Variants in OR5K3 observed in about 807,000 individuals in gnomAD.
OR5K3 encodes the protein olfactory receptor family 5 subfamily K member 3.
For missense variants in OR5K3, 498 were observed against 383.2 expected, an observed-to-expected ratio of 1.30 and a Z score of -2.50; for synonymous variants, 178 against 132.6, an observed-to-expected ratio of 1.34 and a Z score of -2.35.
In OR5K3 at chr3:98,391,080, ACACTCTG is replaced by A; in HGVS notation, c.418_424del (p.Leu140PhefsTer3). On this transcript the variant is annotated frameshift_variant, in exon 1 of 1. Coordinates refer to ENST00000383695, the MANE Select transcript of OR5K3 (RefSeq NM_001005516.1). LOFTEE classifies it low-confidence loss of function (END_TRUNC). ...GCAGTACCACACCATGATGTCCAAG[ACACTCTG>A]CATTCAGATGACTGCAGGAGCCTAC... 1 of 1,614,226 alleles carries A rather than the reference ACACTCTG, an allele frequency of 6.2e-7. No individual in the cohort carries two copies. The highest frequency in any genetic ancestry group is 1.1e-5 in the South Asian group (1 of 91,086).
In OR5K3 at chr3:98,390,704, C is replaced by T; in HGVS notation, c.39C>T (p.Ile13=). 1 of 1,613,916 alleles carries T rather than the reference C, an allele frequency of 6.2e-7. No individual in the cohort carries two copies. The highest frequency in any genetic ancestry group is 8.5e-7 in the Non-Finnish European group (1 of 1,179,862). ...ATCACTCCTTGATAGCTGAGTTCAT[C>T]CTCACAGGATTTACATATCATCCAA... is the stretch of plus-strand genomic sequence containing the variant. The part of the protein sequence containing the change: ...KENHSLIAEF[I]LTGFTYHPKL... Residue 13 remains isoleucine (I), a synonymous_variant, in exon 1 of 1, where the codon ATC becomes ATT. Coordinates refer to ENST00000383695, the MANE Select transcript of OR5K3 (RefSeq NM_001005516.1).
At position 98,390,883 on chromosome 3, in the gene OR5K3, G is replaced by A. The variant is rs930945898; in HGVS notation, c.218G>A (p.Cys73Tyr). 1.9e-6 allele frequency: 3 copies of A among 1,614,190 alleles called. No homozygotes were observed. The highest frequency in any genetic ancestry group is 2.2e-5 in the South Asian group (2 of 91,088). Reference protein sequence around the residue: ...LGNLVLMDSCCSSAITPKMLE... With the variant: ...LGNLVLMDSCYSSAITPKMLE... The stretch of plus-strand genomic sequence containing the variant: ...AACCTAGTTCTGATGGATTCCTGCT[G>A]TTCCTCTGCTATTACTCCCAAGATG... Residue 73 changes from cysteine (C) to tyrosine (Y), a missense_variant, in exon 1 of 1, where the codon TGT (cysteine) becomes TAT (tyrosine). By Grantham distance (194) the Cys-to-Tyr change is radical. Transcript: ENST00000383695.
At position 98,391,411 on chromosome 3, in the gene OR5K3, T is replaced by C. The variant is rs1707469071; in HGVS notation, c.746T>C (p.Phe249Ser). Residue 249 changes from phenylalanine to serine, a missense_variant, in exon 1 of 1, where the codon TTC becomes TCC. Coordinates refer to ENST00000383695, the MANE Select transcript of OR5K3 (RefSeq NM_001005516.1). ...TCTCACTTTCTCTCTGTGTCAATAT[T>C]CTGTGATTCCCTTCTCTTCATGTAT... ...CASHFLSVSI[F>S]CDSLLFMYAR... is the part of the protein sequence containing the mutation. The C allele has an allele frequency of 6.2e-7, 1 of 1,606,276 alleles. No homozygotes were observed. The highest frequency in any genetic ancestry group is 1.3e-5 in the African/African-American group (1 of 74,470).
Position 98,391,436 on chromosome 3 carries a change from T to A in OR5K3, c.771T>A (p.Tyr257Ter), listed in dbSNP as rs1265325535. 6.2e-7 allele frequency: 1 copy of A among 1,604,070 alleles called. No individual in the cohort carries two copies. The highest frequency in any genetic ancestry group is 1.1e-5 in the South Asian group (1 of 88,352). The change falls in exon 1 of 1, where the codon TAT (tyrosine) becomes TAA (stop). Residue 257 changes from tyrosine to a stop codon, truncating the protein, a stop_gained. Coordinates refer to ENST00000383695, the MANE Select transcript of OR5K3 (RefSeq NM_001005516.1). LOFTEE classifies it low-confidence loss of function (END_TRUNC). ...TCTGTGATTCCCTTCTCTTCATGTA[T>A]GCTCGACCAGGTGCAGTTAATGAAG... is the stretch of plus-strand genomic sequence containing the variant. ...SIFCDSLLFM[Y>*]ARPGAVNEGD... is the part of the protein sequence containing the mutation.
At position 98,390,804 on chromosome 3, in the gene OR5K3, G is replaced by T. The variant is rs1032345164; in HGVS notation, c.139G>T (p.Ala47Ser). The T allele has an allele frequency of 6.2e-7, 1 of 1,614,104 alleles. No individual in the cohort carries two copies. The highest frequency in any genetic ancestry group is 1.7e-5 in the Admixed American group (1 of 60,018). Reference sequence around the variant, plus strand: ...CATGGTGGGGAACATTGGTTTGGTGGCATTGATTTATATAGAGCAACGTCT... The same window carrying T: ...CATGGTGGGGAACATTGGTTTGGTGTCATTGATTTATATAGAGCAACGTCT... ...ITMVGNIGLVALIYIEQRLHT... is the reference protein window; with the variant it reads ...ITMVGNIGLVSLIYIEQRLHT... Residue 47 changes from alanine (A) to serine (S), a missense_variant, in exon 1 of 1, where the codon GCA becomes TCA. Transcript: ENST00000383695.
chr3:98,390,743 T>C lies in OR5K3; in HGVS notation c.78T>C (p.Val26=), dbSNP rs1482001146. 2 of 1,614,034 alleles carry C rather than the reference T, an allele frequency of 1.2e-6. No homozygotes were observed. The highest frequency in any genetic ancestry group is 2.7e-5 in the African/African-American group (2 of 74,912). ...GFTYHPKLKT[V]LFVVFFAIYL... is the part of the protein sequence containing the mutation. ...CATATCATCCAAAGCTGAAGACTGT[T>C]CTGTTTGTGGTGTTCTTTGCCATCT... is the stretch of plus-strand genomic sequence containing the variant. The change falls in exon 1 of 1, where the codon GTT becomes GTC. Residue 26 remains valine (V), a synonymous_variant. Transcript: ENST00000383695.
In OR5K3 at chr3:98,391,432, T is replaced by C. The variant is rs1271136117; in HGVS notation, c.767T>C (p.Met256Thr). The C allele has an allele frequency of 1.2e-6, 2 of 1,606,100 alleles. No homozygotes were observed. The highest frequency in any genetic ancestry group is 1.3e-5 in the African/African-American group (1 of 74,686). Residue 256 changes from methionine (M) to threonine (T), a missense_variant, in exon 1 of 1, where the codon ATG becomes ACG. Physicochemically the swap from Met to Thr is moderately conservative, Grantham distance 81. Transcript: ENST00000383695. ...ATATTCTGTGATTCCCTTCTCTTCA[T>C]GTATGCTCGACCAGGTGCAGTTAAT... ...VSIFCDSLLF[M>T]YARPGAVNEG...
In OR5K3 at chr3:98,390,955, G is replaced by A; in HGVS notation, c.290G>A (p.Cys97Tyr). ...GACAAAAGGATTACCCTGTATGAAT[G>A]TATGGCACAATTTTATTTTCTCTGT... ...SEDKRITLYE[C>Y]MAQFYFLCLA... Residue 97 changes from cysteine (C) to tyrosine (Y), a missense_variant, in exon 1 of 1, where the codon TGT becomes TAT. Coordinates refer to ENST00000383695, the MANE Select transcript of OR5K3 (RefSeq NM_001005516.1). 1 of 1,614,228 alleles carries A rather than the reference G, an allele frequency of 6.2e-7. No individual in the cohort carries two copies. Among genetic ancestry groups the A allele is most frequent in the Non-Finnish European group, 8.5e-7 (1 of 1,180,048 alleles).
rs1252212872 is a variant in OR5K3, at chr3:98,390,961, C to T, written c.296C>T (p.Ala99Val). The T allele has an allele frequency of 1.2e-6, 2 of 1,614,210 alleles. No individual in the cohort carries two copies. The highest frequency in any genetic ancestry group is 2.2e-5 in the South Asian group (2 of 91,090). Reference sequence around the variant, plus strand: ...AGGATTACCCTGTATGAATGTATGGCACAATTTTATTTTCTCTGTCTTGCT... The same window carrying T: ...AGGATTACCCTGTATGAATGTATGGTACAATTTTATTTTCTCTGTCTTGCT... The part of the protein sequence containing the change: ...DKRITLYECM[A>V]QFYFLCLAET... The change falls in exon 1 of 1, where the codon GCA becomes GTA. Residue 99 changes from alanine (A) to valine (V), a missense_variant. Transcript: ENST00000383695.
In OR5K3 at chr3:98,391,268, C is replaced by G; in HGVS notation, c.603C>G (p.Ile201Met). The G allele has an allele frequency of 6.2e-7, 1 of 1,607,800 alleles. No homozygotes were observed. The highest frequency in any genetic ancestry group is 8.5e-7 in the Non-Finnish European group (1 of 1,174,914). ...NPYINELVLF[I>M]LAGSIQIFTI... ...ATATCAATGAATTGGTGTTATTTATCTTGGCAGGATCAATTCAAATCTTTA... is the reference window on the plus strand; with the variant it reads ...ATATCAATGAATTGGTGTTATTTATGTTGGCAGGATCAATTCAAATCTTTA... Residue 201 changes from isoleucine (I) to methionine (M), a missense_variant, in exon 1 of 1, where the codon ATC becomes ATG. Transcript: ENST00000383695.
At position 98,390,979 on chromosome 3, in the gene OR5K3, G is replaced by A. The variant is rs561416931; in HGVS notation, c.314G>A (p.Cys105Tyr). 4.3e-6 allele frequency: 7 copies of A among 1,614,178 alleles called. No individual in the cohort carries two copies. Among genetic ancestry groups the A allele is most frequent in the Non-Finnish European group, 5.9e-6 (7 of 1,180,034 alleles). ...YECMAQFYFL[C>Y]LAETTDCFLL... is the part of the protein sequence containing the mutation. ...TGTATGGCACAATTTTATTTTCTCT[G>A]TCTTGCTGAAACTACAGACTGCTTT... is the stretch of plus-strand genomic sequence containing the variant. Residue 105 changes from cysteine (C) to tyrosine (Y), a missense_variant, in exon 1 of 1, where the codon TGT (cysteine) becomes TAT (tyrosine). Cys to Tyr is a radical substitution (Grantham distance 194). Coordinates refer to ENST00000383695, the MANE Select transcript of OR5K3 (RefSeq NM_001005516.1).
Position 98,391,306 on chromosome 3 carries a change from T to A in OR5K3, c.641T>A (p.Val214Asp), listed in dbSNP as rs760491896. 6.2e-7 allele frequency: 1 copy of A among 1,609,344 alleles called. No homozygotes were observed. Among genetic ancestry groups the A allele is most frequent in the Non-Finnish European group, 8.5e-7 (1 of 1,176,752 alleles). The change falls in exon 1 of 1, where the codon GTT (valine) becomes GAT (aspartate). Residue 214 changes from valine (V) to aspartate (D), a missense_variant. By Grantham distance (152) the Val-to-Asp change is radical. Transcript: ENST00000383695. ...ATTCAAATCTTTACTATAGTCTTAGTTTCTTATTTCTACATCCTTTTCACA... is the reference window on the plus strand; with the variant it reads ...ATTCAAATCTTTACTATAGTCTTAGATTCTTATTTCTACATCCTTTTCACA... ...GSIQIFTIVLVSYFYILFTIF... is the reference protein window; with the variant it reads ...GSIQIFTIVLDSYFYILFTIF...
rs1368315160 is a variant in OR5K3 at position 98,391,024 on chromosome 3, A to T, written c.359A>T (p.Tyr120Phe). Residue 120 changes from tyrosine to phenylalanine, a missense_variant, in exon 1 of 1, where the codon TAT becomes TTT. Tyr to Phe is a conservative substitution (Grantham distance 22). Transcript: ENST00000383695. ...TGCTTTCTTCTGGCGGCAATGGCCT[A>T]TGACTGCTATGTGGCCATATGCAAC... The part of the protein sequence containing the change: ...TDCFLLAAMA[Y>F]DCYVAICNPL... 1 of 1,614,096 alleles carries T rather than the reference A, an allele frequency of 6.2e-7. No individual in the cohort carries two copies. The highest frequency in any genetic ancestry group is 8.5e-7 in the Non-Finnish European group (1 of 1,180,046).
Position 98,390,771 on chromosome 3 carries a change from C to CA in OR5K3, c.106_107insA (p.Leu36HisfsTer53), listed in dbSNP as rs1707457216. ...GTTTGTGGTGTTCTTTGCCATCTAT[C>CA]TGATCACCATGGTGGGGAACATTGG... On this transcript the variant is annotated frameshift_variant, in exon 1 of 1. Coordinates refer to ENST00000383695, the MANE Select transcript of OR5K3 (RefSeq NM_001005516.1). LOFTEE classifies it low-confidence loss of function (END_TRUNC). The CA allele has an allele frequency of 2.5e-6, 4 of 1,614,004 alleles. No individual in the cohort carries two copies. The highest frequency in any genetic ancestry group is 1.3e-5 in the African/African-American group (1 of 74,912).
At position 98,391,460 on chromosome 3, in the gene OR5K3, A is replaced by AT; in HGVS notation, c.795_796insT (p.Gly266TrpfsTer3). 6.4e-7 allele frequency: 1 copy of AT among 1,572,004 alleles called. No individual in the cohort carries two copies. Among genetic ancestry groups the AT allele is most frequent in the Admixed American group, 1.7e-5 (1 of 58,994 alleles). ...ATGCTCGACCAGGTGCAGTTAATGA[A>AT]GGGGATAAAGATATACCTGTTGCTA... On this transcript the variant is annotated frameshift_variant, in exon 1 of 1. Coordinates refer to ENST00000383695, the MANE Select transcript of OR5K3 (RefSeq NM_001005516.1). LOFTEE classifies it low-confidence loss of function (END_TRUNC).
rs1156664529 is a variant in OR5K3 at position 98,390,773 on chromosome 3, G to C, written c.108G>C (p.Leu36=). ...TTGTGGTGTTCTTTGCCATCTATCT[G>C]ATCACCATGGTGGGGAACATTGGTT... ...VLFVVFFAIY[L]ITMVGNIGLV... The change falls in exon 1 of 1, where the codon CTG becomes CTC. Residue 36 remains leucine (L), a synonymous_variant. Transcript: ENST00000383695. 1 of 1,614,006 alleles carries C rather than the reference G, an allele frequency of 6.2e-7. No individual in the cohort carries two copies. The highest frequency in any genetic ancestry group is 1.3e-5 in the African/African-American group (1 of 74,920).
chr3:98,391,377 A>G lies in OR5K3; in HGVS notation c.712A>G (p.Thr238Ala). The change falls in exon 1 of 1, where the codon ACT becomes GCT. Residue 238 changes from threonine (T) to alanine (A), a missense_variant. By Grantham distance (58) the Thr-to-Ala change is moderately conservative. Transcript: ENST00000383695. ...GGAGGGAAGAGGCAAAGCTTTATCT[A>G]CTTGTGCATCTCACTTTCTCTCTGT... ...SKEGRGKALS[T>A]CASHFLSVSI... The G allele has an allele frequency of 1.9e-6, 3 of 1,607,980 alleles. No individual in the cohort carries two copies. Among genetic ancestry groups the G allele is most frequent in the Non-Finnish European group, 2.5e-6 (3 of 1,178,326 alleles).
rs1331281789 is a variant in OR5K3 at position 98,391,227 on chromosome 3, T to C, written c.562T>C (p.Ser188Pro). The change falls in exon 1 of 1, where the codon TCT becomes CCT. Residue 188 changes from serine (S) to proline (P), a missense_variant. Coordinates refer to ENST00000383695, the MANE Select transcript of OR5K3 (RefSeq NM_001005516.1). ...TGATGTTCTTCCATTATATAGACTT[T>C]CTTGTATTAACCCTTATATCAATGA... ...FCDVLPLYRL[S>P]CINPYINELV... The C allele has an allele frequency of 6.2e-7, 1 of 1,611,922 alleles. No individual in the cohort carries two copies.
rs1228905296 is a variant in OR5K3 at position 98,391,612 on chromosome 3, C to T, written c.947C>T (p.Ser316Leu). 1.4e-5 allele frequency: 20 copies of T among 1,425,552 alleles called. No homozygotes were observed. The highest frequency in any genetic ancestry group is 1.8e-5 in the Non-Finnish European group (20 of 1,086,086). The allele number at this position is 1,425,552 out of a possible 1,614,324, so 88.3% of individuals were successfully genotyped here. ...RKFCHILKQM[S>L]SPLAT Reference sequence around the variant, plus strand: ...TTTTGTCACATTCTGAAACAAATGTCATCCCCTCTGGCAACTTGATAATAC... The same window carrying T: ...TTTTGTCACATTCTGAAACAAATGTTATCCCCTCTGGCAACTTGATAATAC... Residue 316 changes from serine (S) to leucine (L), a missense_variant, in exon 1 of 1, where the codon TCA becomes TTA. Coordinates refer to ENST00000383695, the MANE Select transcript of OR5K3 (RefSeq NM_001005516.1).
Sources: allele counts gnomAD v4.1 joint callset, GRCh38; gene constraint gnomAD v4.1.1; transcripts MANE v1.5; gene names NCBI Gene and HGNC (gene_info 2026-07-23, HGNC 2026-07-21).